The following TM9SF4 variants were observed in gnomAD, a reference collection of about 807,000 sequenced individuals.
The protein encoded by TM9SF4 is dinucleotide oxidase disulfide thiol exchanger 3 superfamily member 4.
In TM9SF4, 26 loss-of-function variants were observed where a neutral mutation model predicts 90.4. The observed-to-expected ratio is 0.29, with a 90% CI of 0.21 to 0.40. The LOEUF (loss-of-function observed/expected upper bound fraction) is 0.40. Among genes scored for constraint, TM9SF4 ranks in the 10% least tolerant of loss-of-function variants. The pLI is 1.00. For synonymous variants in TM9SF4, 293 were observed against 315.4 expected, an observed-to-expected ratio of 0.93 and a Z score of 0.75; for missense variants, 549 against 834.8, an observed-to-expected ratio of 0.66 and a Z score of 4.22.
At chr20:32,160,689 GC>G (rs1281048503) in intron 16 of TM9SF4, among the ~76,000 whole-genome samples, 1 of 152,072 alleles carries the variant, frequency 6.6e-6, no homozygotes, top group Admixed American at 6.6e-5. Flanking sequence ...GGTAGCTCAC[GC>G]CTGTAATCCC....
chr20:32,140,672 A>G (rs1426943638), intron 3 of TM9SF4, among the ~76,000 whole-genome samples: 2 of 152,208 alleles, frequency 1.3e-5, no homozygotes, highest in African/African-American at 4.8e-5. Context: ...GGATGAGGAC[A>G]TTGAGGCTCA....
intron 14 of TM9SF4, among the ~76,000 whole-genome samples, 166 bp from the exon 15 acceptor site, chr20:32,158,285 C>A (rs2046960356): frequency 6.6e-6 from 1 of 152,126 alleles, no homozygotes; most frequent in Non-Finnish European, 1.5e-5. Context: ...AGAATAATGC[C>A]CACCCTGCCT....
At chr20:32,161,492 AC>A in intron 17 of TM9SF4, 127 bp downstream of exon 17, 2 of 739,050 alleles carry the variant, frequency 2.7e-6, no homozygotes, top group Non-Finnish European at 4.5e-6. Flanking sequence ...GACCAAAGCC[AC>A]CTAGAACTGT....
At chr20:32,134,303 G>A (rs573106418) in intron 2 of TM9SF4, among the ~76,000 whole-genome samples, 16 of 152,288 alleles carry the variant, frequency 1.1e-4, no homozygotes, top group African/African-American at 3.1e-4. Context: ...AAGGTGGGAC[G>A]CATCTCTCTG....
intron 1 of TM9SF4, among the ~76,000 whole-genome samples, chr20:32,117,977 TAAAAATTAAAA>T (rs1200870672): frequency 6.6e-6 from 1 of 152,204 alleles, no homozygotes; most frequent in Admixed American, 6.5e-5. Flanking sequence ...GGCAATCAAT[TAAAAATTAAAA>T]GAAAATTTAA....
At chr20:32,141,421 T>C in intron 3 of TM9SF4, 76 bp from the exon 4 acceptor site, 1 of 1,560,066 alleles carries the variant, frequency 6.4e-7, no homozygotes, top group Non-Finnish European at 8.7e-7. Context: ...CCCGCAGTCC[T>C]GTGTCTCTGT....
chr20:32,123,002 A>G (rs945218880), intron 1 of TM9SF4, among the ~76,000 whole-genome samples: 13 of 151,258 alleles, frequency 8.6e-5, no homozygotes, highest in African/African-American at 2.9e-4. Context: ...CCCCGTCTCC[A>G]CCAAAAAAAT....
chr20:32,150,758 T>A, intron 11 of TM9SF4, 42 bp from the exon 12 acceptor site: 1 of 1,614,204 alleles, frequency 6.2e-7, no homozygotes, highest in South Asian at 1.1e-5. Context: ...CCACACCAGC[T>A]AATGGGTCCC....
chr20:32,132,116 A>T (rs2046525510), intron 1 of TM9SF4, among the ~76,000 whole-genome samples: 1 of 152,100 alleles, frequency 6.6e-6, no homozygotes, highest in African/African-American at 2.4e-5. Context: ...AAATAAGGAG[A>T]TGTGCCATTG....
At chr20:32,146,637 G>T in intron 8 of TM9SF4, 148 bp from the exon 9 acceptor site, 1 of 643,932 alleles carries the variant, frequency 1.6e-6, no homozygotes, top group East Asian at 3.0e-5. Flanking sequence ...CCGAGAAGAG[G>T]CCTTGAGGTG....
At chr20:32,138,574 T>G (rs2046626900) in intron 3 of TM9SF4, among the ~76,000 whole-genome samples, 1 of 152,244 alleles carries the variant, frequency 6.6e-6, no homozygotes, top group South Asian at 2.1e-4. Flanking sequence ...GGAGGATCGC[T>G]TCAACCCAGG....
Position 32,138,371 on chromosome 20 carries a change from G to C in TM9SF4, c.229+2198G>C, listed in dbSNP as rs538637129. Among the ~76,000 whole-genome samples, 10 of 152,318 alleles carry C rather than the reference G, an allele frequency of 6.6e-5. No homozygotes were observed. The East Asian group carries it at 1.9e-3, about 29-fold the overall frequency. ...AAAATGAGCCATTTCGCTCATGCCT[G>C]TAATCCCAGCACTTTGGGAGGCCAG... On this transcript the variant is annotated intron_variant, in intron 3 of 17. Coordinates refer to ENST00000398022, the MANE Select transcript of TM9SF4 (RefSeq NM_014742.4).
chr20:32,143,957 T>TC (rs34582686), intron 6 of TM9SF4, among the ~76,000 whole-genome samples: 3 of 151,610 alleles, frequency 2.0e-5, no homozygotes, highest in South Asian at 2.1e-4. Context: ...TCTTTTTTTT[T>TC]CCCCCCAAGA....
chr20:32,125,525 AG>A (rs1019343698), intron 1 of TM9SF4, among the ~76,000 whole-genome samples: 1 of 152,138 alleles, frequency 6.6e-6, no homozygotes, highest in Non-Finnish European at 1.5e-5. Flanking sequence ...GCACATTCTC[AG>A]GCCCTGCCCC....
At chr20:32,136,600 A>T (rs2046597526) in intron 3 of TM9SF4, among the ~76,000 whole-genome samples, 1 of 152,196 alleles carries the variant, frequency 6.6e-6, no homozygotes, top group African/African-American at 2.4e-5. Context: ...GCAAGCAGAG[A>T]TGCCACCACA....
intron 1 of TM9SF4, among the ~76,000 whole-genome samples, chr20:32,128,722 C>T (rs2046460603): frequency 6.6e-6 from 1 of 151,922 alleles, no homozygotes; most frequent in Non-Finnish European, 1.5e-5. Context: ...ATAATAGTCT[C>T]CAGTTTCATC....
chr20:32,143,165 G>A (rs1226376604), intron 6 of TM9SF4, 60 bp downstream of exon 6: 2 of 1,590,632 alleles, frequency 1.3e-6, no homozygotes, highest in Non-Finnish European at 1.7e-6. Context: ...TCTCCACGCA[G>A]GGTCTTCGCA....
At chr20:32,135,944 A>C (rs1381144874) in intron 2 of TM9SF4, 130 bp from the exon 3 acceptor site, 2 of 692,696 alleles carry the variant, frequency 2.9e-6, no homozygotes, top group Non-Finnish European at 2.5e-6. Context: ...TGGGCAGTAC[A>C]TTATATAGTG....
At chr20:32,121,658 G>A (rs896575570) in intron 1 of TM9SF4, among the ~76,000 whole-genome samples, 3 of 152,010 alleles carry the variant, frequency 2.0e-5, no homozygotes, top group South Asian at 2.1e-4. Context: ...CACCCCTCCC[G>A]CCTCTCCATT....
Sources: allele counts gnomAD v4.1 joint callset (sites outside exome capture counted in the v4.1 genomes callset), GRCh38; gene constraint gnomAD v4.1.1; transcripts MANE v1.5; gene names NCBI Gene and HGNC (gene_info 2026-07-23, HGNC 2026-07-21).